Variants in SEZ6 observed in about 807,000 individuals in gnomAD.
The protein encoded by SEZ6 is seizure related 6 homolog.
In SEZ6, 53 loss-of-function variants were observed where a neutral mutation model predicts 101.0. The ratio of observed to expected loss-of-function variants is 0.52; its 90% confidence interval spans 0.42 to 0.66. The LOEUF is 0.66. Ranked by LOEUF, SEZ6 falls within the 30% of genes least tolerant of loss-of-function variation. The probability of loss-of-function intolerance (pLI) is 0.00; values close to 1 mark genes in which losing one functional copy is unlikely to be tolerated. For synonymous variants in SEZ6, 488 were observed against 512.2 expected, an observed-to-expected ratio of 0.95 and a Z score of 0.64; for missense variants, 1,102 against 1,289.4, an observed-to-expected ratio of 0.85 and a Z score of 2.23.
intron 1 of SEZ6, among the ~76,000 whole-genome samples, chr17:28,996,010 CT>C (rs1196667713): frequency 7.0e-4 from 102 of 145,552 alleles, no homozygotes; most frequent in Admixed American, 6.9e-4. Context: ...GCCTTATTTC[CT>C]TTTTTTTTTT....
chr17:28,979,126 C>G (rs2041263363), intron 3 of SEZ6, among the ~76,000 whole-genome samples: 1 of 152,058 alleles, frequency 6.6e-6, no homozygotes, highest in East Asian at 1.9e-4. Context: ...CCTGTAGCCT[C>G]AGGCCTCGGG....
intron 1 of SEZ6, among the ~76,000 whole-genome samples, chr17:28,991,268 G>A (rs767092875): frequency 6.6e-6 from 1 of 151,976 alleles, no homozygotes; most frequent in Non-Finnish European, 1.5e-5. Flanking sequence ...GCAGTGGCAC[G>A]ATCTTGGCTC....
At chr17:28,958,642 T>C (rs895182992) in intron 10 of SEZ6, among the ~76,000 whole-genome samples, 8 of 152,016 alleles carry the variant, frequency 5.3e-5, no homozygotes, top group Non-Finnish European at 4.4e-5. Context: ...ATAAAAAAAT[T>C]AGCCAGGCGT....
In SEZ6 at chr17:28,960,764, A is replaced by C. The variant is rs747167939; in HGVS notation, c.1409+41T>G. Reference sequence around the variant, plus strand: ...GGTAGCGTCCCTCCAGCAGGGTATTACCAGGCCAGGCACTCCCATTCCACT... The same window carrying C: ...GGTAGCGTCCCTCCAGCAGGGTATTCCCAGGCCAGGCACTCCCATTCCACT... On this transcript the variant is annotated intron_variant, in intron 6 of 16. Transcript: ENST00000317338. The C allele has an allele frequency of 2.5e-6, 4 of 1,612,632 alleles. No homozygotes were observed. The South Asian group carries it at 4.4e-5, about 18-fold the overall frequency.
chr17:28,961,574 C>G (rs1365582465), intron 5 of SEZ6, among the ~76,000 whole-genome samples: 1 of 152,212 alleles, frequency 6.6e-6, no homozygotes, highest in African/African-American at 2.4e-5. Flanking sequence ...GCCATCCGCC[C>G]CGGCCTCACT....
Position 28,981,684 on chromosome 17 carries a change from C to T in SEZ6, c.411G>A (p.Glu137=). The part of the protein sequence containing the change: ...AAVPTQPQSK[E]GPWSPESESP... ...ACTCTGACTCCGGACTCCAGGGTCC[C>T]TCCTTGGACTGGGGCTGAGTGGGTA... Residue 137 remains glutamate (E), a synonymous_variant, in exon 2 of 17, where the codon GAG becomes GAA. Transcript: ENST00000317338. 1.3e-6 allele frequency: 2 copies of T among 1,579,834 alleles called. No homozygotes were observed. Among genetic ancestry groups the T allele is most frequent in the South Asian group, 2.3e-5 (2 of 86,550 alleles).
In SEZ6 at chr17:29,005,509, CGGGTGAGCGCGT is replaced by C. The variant is rs2041676079; in HGVS notation, c.55+294_55+305del. Among the ~76,000 whole-genome samples the C allele has an allele frequency of 6.6e-6, 1 of 152,114 alleles. No homozygotes were observed. The highest frequency in any genetic ancestry group is 1.5e-5 in the Non-Finnish European group (1 of 67,998). On this transcript the variant is annotated intron_variant, in intron 1 of 16. Transcript: ENST00000317338. The surrounding 1 kb of genome is among the most constrained non-coding windows in gnomAD (Gnocchi z 4.8). ...GCCTAGAGTGTGGCGAGGTAGCGCG[CGGGTGAGCGCGT>C]GTGTGCGGGGAGTGGGTGGCGTGAT...
In SEZ6 at chr17:28,969,950, G is replaced by C; in HGVS notation, c.861C>G (p.Val287=). Residue 287 remains valine, a splice_region_variant and synonymous_variant, in exon 4 of 17, where the codon GTC becomes GTG. Coordinates refer to ENST00000317338, the MANE Select transcript of SEZ6 (RefSeq NM_178860.5). The part of the protein sequence containing the change: ...VYPGYGVEIK[V]QNISLREGET... ...CCCCTTCCCGGAGGCTGATATTCTGGACCTGTCAGTAGAGTAGAGAGAGAA... is the reference window on the plus strand; with the variant it reads ...CCCCTTCCCGGAGGCTGATATTCTGCACCTGTCAGTAGAGTAGAGAGAGAA... The C allele has an allele frequency of 6.5e-7, 1 of 1,535,574 alleles. No individual in the cohort carries two copies.
At chr17:28,983,899 C>T (rs958257754) in intron 1 of SEZ6, among the ~76,000 whole-genome samples, 1 of 151,896 alleles carries the variant, frequency 6.6e-6, no homozygotes, top group South Asian at 2.1e-4. Context: ...AGCAGATGGC[C>T]TACGTTCTGT....
At chr17:28,978,071 G>A (rs573943490) in intron 3 of SEZ6, among the ~76,000 whole-genome samples, 1 of 152,320 alleles carries the variant, frequency 6.6e-6, no homozygotes, top group South Asian at 2.1e-4. Context: ...ATCCCCAGAG[G>A]GGAGGGCTGG....
At position 28,964,092 on chromosome 17, in the gene SEZ6, G is replaced by A. The variant is rs1176238133; in HGVS notation, c.1110C>T (p.Val370=). 6.2e-7 allele frequency: 1 copy of A among 1,606,010 alleles called. No individual in the cohort carries two copies. The highest frequency in any genetic ancestry group is 8.5e-7 in the Non-Finnish European group (1 of 1,176,226). The change falls in exon 5 of 17, where the codon GTC becomes GTT. Residue 370 remains valine, a synonymous_variant. Transcript: ENST00000317338. ...PRRPAYGDVT[V]TSLHPGGSAR... The stretch of plus-strand genomic sequence containing the variant: ...CACTACCCCCTGGGTGGAGGCTGGT[G>A]ACAGTCACATCTCCATAAGCTGGAC...
At chr17:28,957,867 G>T in intron 11 of SEZ6, 80 bp downstream of exon 11, 1 of 1,474,958 alleles carries the variant, frequency 6.8e-7, no homozygotes, top group Non-Finnish European at 9.3e-7. Flanking sequence ...GCTAATAACA[G>T]CTACAGTCTG....
intron 1 of SEZ6, among the ~76,000 whole-genome samples, chr17:28,990,975 G>A (rs1211957827): frequency 2.6e-5 from 4 of 152,114 alleles, no homozygotes; most frequent in Admixed American, 6.5e-5. Flanking sequence ...GCATGATCTC[G>A]TCTCACTGCA....
chr17:28,959,261 C>T lies in SEZ6; in HGVS notation c.1911-40G>A. 6.2e-7 allele frequency: 1 copy of T among 1,612,530 alleles called. No individual in the cohort carries two copies. Among genetic ancestry groups the T allele is most frequent in the Non-Finnish European group, 8.5e-7 (1 of 1,179,104 alleles). The stretch of plus-strand genomic sequence containing the variant: ...CGTCAGGGCAGAGCCGGCCTGGGGG[C>T]CCGAGGATGGGCTGGACAAGGGATA... On this transcript the variant is annotated intron_variant, in intron 9 of 16. Coordinates refer to ENST00000317338, the MANE Select transcript of SEZ6 (RefSeq NM_178860.5). This position sits in a 1 kb window ranked among gnomAD's most constrained non-coding sequence, Gnocchi z 4.4.
Position 29,005,979 on chromosome 17 carries a change from G to T in SEZ6, c.-110C>A. The stretch of plus-strand genomic sequence containing the variant: ...GGGTCCGGCCGGGTAGAGGGAGCGG[G>T]GCCGCAGCCGTCACCGCCGCTGCCG... On this transcript the variant is annotated 5_prime_UTR_variant, in exon 1 of 17. Coordinates refer to ENST00000317338, the MANE Select transcript of SEZ6 (RefSeq NM_178860.5). This position sits in a 1 kb window ranked among gnomAD's most constrained non-coding sequence, Gnocchi z 4.8. 1.1e-6 allele frequency: 1 copy of T among 944,194 alleles called. No homozygotes were observed. The highest frequency in any genetic ancestry group is 1.4e-6 in the Non-Finnish European group (1 of 729,788). 58.5% of individuals were successfully genotyped at this position (944,194 alleles called of 1,614,324 possible).
chr17:28,959,257 G>A lies in SEZ6; in HGVS notation c.1911-36C>T. 1 of 1,612,548 alleles carries A rather than the reference G, an allele frequency of 6.2e-7. No homozygotes were observed. Among genetic ancestry groups the A allele is most frequent in the South Asian group, 1.1e-5 (1 of 90,968 alleles). On this transcript the variant is annotated intron_variant, in intron 9 of 16. Coordinates refer to ENST00000317338, the MANE Select transcript of SEZ6 (RefSeq NM_178860.5). The surrounding 1 kb of genome is among the most constrained non-coding windows in gnomAD (Gnocchi z 4.4). ...GGAGCGTCAGGGCAGAGCCGGCCTG[G>A]GGGCCCGAGGATGGGCTGGACAAGG...
rs751571104 is a variant in SEZ6, at chr17:28,959,655, C to A, written c.1771+43G>T. 1.3e-6 allele frequency: 2 copies of A among 1,548,450 alleles called. No homozygotes were observed. Among genetic ancestry groups the A allele is most frequent in the South Asian group, 1.2e-5 (1 of 80,788 alleles). ...TCTGCTGCTATTCTCCTGGTATGAC[C>A]CTGCCTTTTGCCCGGTAGGCCCATC... is the stretch of plus-strand genomic sequence containing the variant. On this transcript the variant is annotated intron_variant, in intron 8 of 16. Coordinates refer to ENST00000317338, the MANE Select transcript of SEZ6 (RefSeq NM_178860.5). The surrounding 1 kb of genome is among the most constrained non-coding windows in gnomAD (Gnocchi z 4.4).
At chr17:28,990,268 C>T (rs979919745) in intron 1 of SEZ6, among the ~76,000 whole-genome samples, 9 of 152,040 alleles carry the variant, frequency 5.9e-5, no homozygotes, top group Non-Finnish European at 1.2e-4. Context: ...GATGTCTTTT[C>T]GGACTTTTGC....
At chr17:28,972,618 C>T (rs2041168657) in intron 3 of SEZ6, among the ~76,000 whole-genome samples, 1 of 152,196 alleles carries the variant, frequency 6.6e-6, no homozygotes, top group Non-Finnish European at 1.5e-5. Context: ...GGCTGCCTGA[C>T]CATCTGCTGG....
Sources: gnomAD v4.1 joint callset for allele counts (sites outside exome capture counted in the v4.1 genomes callset) on GRCh38, gnomAD v4.1.1 for gene constraint, Gnocchi (gnomAD v3.1) non-coding constraint, MANE v1.5 for transcripts, NCBI Gene and HGNC (gene_info 2026-07-23, HGNC 2026-07-21) for gene names.